FAF1: variants seen among roughly 807,000 people sequenced by gnomAD.
FAF1 encodes the protein Fas associated factor 1, also known as FAS-associated factor 1.
Under a neutral mutation model 92.5 loss-of-function variants are expected in FAF1, and 25 were observed. That is an observed-to-expected ratio of 0.27 (90% CI 0.20 to 0.38). The LOEUF is 0.38. FAF1 is among the 10% of genes least tolerant of loss of function. The probability of loss-of-function intolerance (pLI) is 1.00; values close to 1 mark genes in which losing one functional copy is unlikely to be tolerated. For missense variants in FAF1, 636 were observed against 793.3 expected (o/e 0.80, Z 2.38); for synonymous variants, 234 against 273.2 (o/e 0.86, Z 1.42).
At chr1:50,854,499 A>T (rs1478427607) in intron 2 of FAF1, among the ~76,000 whole-genome samples, 1 of 152,004 alleles carries the variant, frequency 6.6e-6, no homozygotes, top group African/African-American at 2.4e-5. Flanking sequence ...CTGTCAAGTA[A>T]AACAGTAGGC....
intron 18 of FAF1, among the ~76,000 whole-genome samples, chr1:50,448,432 TG>T (rs1181590150): frequency 2.0e-5 from 3 of 152,188 alleles, no homozygotes; most frequent in Admixed American, 2.0e-4. Context: ...TAACTCTTGT[TG>T]GGGGAAGTAT....
At chr1:50,522,366 A>T (rs1408337677) in intron 15 of FAF1, among the ~76,000 whole-genome samples, 1 of 152,184 alleles carries the variant, frequency 6.6e-6, no homozygotes, top group Non-Finnish European at 1.5e-5. Context: ...TATAAGCCTC[A>T]GTTTCCTCTC....
At chr1:50,854,452 C>T (rs1171940716) in intron 2 of FAF1, among the ~76,000 whole-genome samples, 1 of 151,920 alleles carries the variant, frequency 6.6e-6, no homozygotes, top group Non-Finnish European at 1.5e-5. Context: ...TGGTAACAGT[C>T]AGAGGGAGAT....
intron 4 of FAF1, among the ~76,000 whole-genome samples, chr1:50,748,162 A>G (rs72690484): frequency 0.012 from 1,780 of 152,332 alleles, 16 homozygotes; most frequent in Non-Finnish European, 0.017. Context: ...GTTGGTCTGC[A>G]AAGGACAGAC....
intron 17 of FAF1, among the ~76,000 whole-genome samples, chr1:50,477,026 G>A (rs1178352674): frequency 1.3e-5 from 2 of 152,152 alleles, no homozygotes; most frequent in African/African-American, 4.8e-5. Context: ...TTTGACCTAT[G>A]CAAATTATCT....
chr1:50,735,720 ATTTAT>A (rs746851860), intron 6 of FAF1, among the ~76,000 whole-genome samples: 21 of 152,128 alleles, frequency 1.4e-4, no homozygotes, highest in Admixed American at 1.1e-3. Context: ...ATTTTATTTT[ATTTAT>A]TTTATTTAGA....
chr1:50,530,246 T>G (rs948517989), intron 15 of FAF1, among the ~76,000 whole-genome samples: 3 of 112,204 alleles, frequency 2.7e-5, no homozygotes, highest in African/African-American at 9.6e-5. Flanking sequence ...GTGGTGTGTG[T>G]GTGTGTGTGT....
chr1:50,770,130 A>G (rs1660725507), intron 4 of FAF1, among the ~76,000 whole-genome samples: 1 of 152,088 alleles, frequency 6.6e-6, no homozygotes, highest in Non-Finnish European at 1.5e-5. Context: ...TCTATGAAAA[A>G]CCCACAGCCA....
chr1:50,645,699 T>G (rs1047531217), intron 8 of FAF1, among the ~76,000 whole-genome samples: 2 of 152,092 alleles, frequency 1.3e-5, no homozygotes, highest in Non-Finnish European at 2.9e-5. Context: ...GGCACCTGCC[T>G]GTAGTCCCAG....
chr1:50,781,079 A>G, intron 4 of FAF1: 2 of 389,524 alleles, frequency 5.1e-6, no homozygotes, highest in South Asian at 4.0e-5. Flanking sequence ...GACATTGAGT[A>G]CCAGCTCTCA....
chr1:50,890,650 G>C (rs904549309), intron 1 of FAF1, among the ~76,000 whole-genome samples: 7 of 152,156 alleles, frequency 4.6e-5, no homozygotes, highest in African/African-American at 1.7e-4. Flanking sequence ...TGAAATTCTG[G>C]GTTGAAAATT....
At chr1:50,724,057 C>T (rs1216375961) in intron 6 of FAF1, among the ~76,000 whole-genome samples, 1 of 151,946 alleles carries the variant, frequency 6.6e-6, no homozygotes, top group Non-Finnish European at 1.5e-5. Context: ...CACAAAACCC[C>T]ATCTCTACAG....
chr1:50,475,469 T>C lies in FAF1; in HGVS notation c.1864A>G (p.Arg622Gly). The change falls in exon 18 of 19, where the codon AGA becomes GGA. Residue 622 changes from arginine to glycine, a missense_variant. Physicochemically the swap from Arg to Gly is moderately radical, Grantham distance 125. Around this residue, in one of 2 missense-constraint regions of FAF1, gnomAD observed 319 missense variants for 451.0 expected, o/e 0.71. Transcript: ENST00000396153. ...AGATAGGTATGGGAACTTACGTCTC[T>C]CCTAGGAAAGGTGCTCAGTAACTTG... is the stretch of plus-strand genomic sequence containing the variant. ...EYKLLSTFPR[R>G]DVTQLDPNKS... is the part of the protein sequence containing the mutation. 6.2e-7 allele frequency: 1 copy of C among 1,612,058 alleles called. No individual in the cohort carries two copies. Among genetic ancestry groups the C allele is most frequent in the Non-Finnish European group, 8.5e-7 (1 of 1,178,350 alleles).
At chr1:50,680,962 T>C (rs757949336) in intron 7 of FAF1, among the ~76,000 whole-genome samples, 1 of 152,126 alleles carries the variant, frequency 6.6e-6, no homozygotes, top group African/African-American at 2.4e-5. Context: ...TATGGTTACC[T>C]TAACAGATGC....
intron 5 of FAF1, among the ~76,000 whole-genome samples, chr1:50,741,175 G>T (rs566978748): frequency 6.6e-6 from 1 of 152,206 alleles, no homozygotes; most frequent in African/African-American, 2.4e-5. Flanking sequence ...AGATACAGAA[G>T]CCTGTTGGAG....
chr1:50,552,261 C>T (rs1649344689), intron 13 of FAF1, among the ~76,000 whole-genome samples: 1 of 149,578 alleles, frequency 6.7e-6, no homozygotes, highest in African/African-American at 2.5e-5. Flanking sequence ...TGTGCCACTG[C>T]ACTCCAGACT....
chr1:50,734,717 G>A (rs1659069537), intron 6 of FAF1, among the ~76,000 whole-genome samples: 2 of 146,944 alleles, frequency 1.4e-5, no homozygotes, highest in African/African-American at 5.1e-5. Flanking sequence ...CTGGGCGATA[G>A]AGCGAGACTC....
At chr1:50,458,977 CT>C (rs369055144) in intron 18 of FAF1, among the ~76,000 whole-genome samples, 106 of 138,276 alleles carry the variant, frequency 7.7e-4, no homozygotes, top group Admixed American at 9.4e-4. Flanking sequence ...TTTTTTTTTT[CT>C]TTTTTTTTTT....
intron 17 of FAF1, among the ~76,000 whole-genome samples, chr1:50,485,715 A>C (rs1317521284): frequency 2.6e-5 from 4 of 151,258 alleles, no homozygotes; most frequent in Non-Finnish European, 5.9e-5. Flanking sequence ...ACAAAAAAAC[A>C]ACCTGAGACT....
Sources: allele counts gnomAD v4.1 joint callset (sites outside exome capture counted in the v4.1 genomes callset), GRCh38; gene constraint gnomAD v4.1.1; regional missense constraint gnomAD v4.1.1; transcripts MANE v1.5; gene names NCBI Gene and HGNC (gene_info 2026-07-23, HGNC 2026-07-21).